The following MECR variants were observed in gnomAD, a reference collection of about 807,000 sequenced individuals.
MECR encodes enoyl-[acyl-carrier-protein] reductase, mitochondrial.
MECR carries 37 observed loss-of-function variants against 49.1 expected under a neutral mutation model. The ratio of observed to expected loss-of-function variants is 0.75; its 90% CI spans 0.58 to 0.99. MECR has a LOEUF of 0.99. MECR is among the 50% of genes least tolerant of loss of function. The pLI, the probability that MECR is intolerant of heterozygous loss-of-function variation, is 0.00. For synonymous variants in MECR, 198 were observed against 191.1 expected, an observed-to-expected ratio of 1.04 and a Z score of -0.30; for missense variants, 470 against 479.6, an observed-to-expected ratio of 0.98 and a Z score of 0.19.
the MECR span, among the ~76,000 whole-genome samples, chr1:29,167,869 A>C: frequency 3.5e-4 from 53 of 152,318 alleles, no homozygotes; most frequent in Middle Eastern, 0.01. Context: ...ATGTATTATT[A>C]TTCTTCTCAT....
Position 29,196,261 on chromosome 1 carries a change from G to A in MECR, c.831-3C>T. 1 of 1,610,854 alleles carries A rather than the reference G, an allele frequency of 6.2e-7. No individual in the cohort carries two copies. The highest frequency in any genetic ancestry group is 2.2e-5 in the East Asian group (1 of 44,800). Reference sequence around the variant, plus strand: ...AGGTTACCATGGTTCCTCCACGCCTGAAAAGTCCAAAGAGAACAAAGAGTG... The same window carrying A: ...AGGTTACCATGGTTCCTCCACGCCTAAAAAGTCCAAAGAGAACAAAGAGTG... On this transcript the variant is annotated splice_polypyrimidine_tract_variant and splice_region_variant and intron_variant, in intron 7 of 9. Transcript: ENST00000263702.
intron 7 of MECR, among the ~76,000 whole-genome samples, chr1:29,198,453 C>T (rs143999363): frequency 1.8e-3 from 271 of 152,342 alleles, no homozygotes; most frequent in African/African-American, 6.2e-3. Context: ...TGCCTACACC[C>T]GTAACAACGC....
intron 3 of MECR, among the ~76,000 whole-genome samples, chr1:29,211,225 C>T (rs1295201984): frequency 1.3e-5 from 2 of 151,930 alleles, no homozygotes; most frequent in Non-Finnish European, 2.9e-5. Context: ...TACAGGTGTA[C>T]GCTGCCACAC....
the MECR span, among the ~76,000 whole-genome samples, chr1:29,174,390 A>T: frequency 6.6e-6 from 1 of 152,240 alleles, no homozygotes; most frequent in African/African-American, 2.4e-5. Flanking sequence ...TATAAAGGAT[A>T]TTCAACAGTA....
At chr1:29,181,808 G>A in the MECR span, 3 of 1,444,424 alleles carry the variant, frequency 2.1e-6, no homozygotes, top group Non-Finnish European at 2.8e-6. Context: ...GGCGGCGGCG[G>A]GCAAAGCGAG....
the MECR span, among the ~76,000 whole-genome samples, chr1:29,176,504 GA>G: frequency 6.7e-3 from 975 of 146,362 alleles, 11 homozygotes; most frequent in Middle Eastern, 0.028. Flanking sequence ...AAAAAAAAAA[GA>G]AAAAAATACT....
rs890320572 is a variant in MECR at position 29,226,952 on chromosome 1, C to CTTTTT, written c.176+3774_176+3778dup. Among the ~76,000 whole-genome samples the CTTTTT allele has an allele frequency of 6.3e-4, 63 of 99,720 alleles. 1 individual carries two copies. Among genetic ancestry groups the CTTTTT allele is most frequent in the Non-Finnish European group, 8.6e-4 (43 of 50,056 alleles). The allele number at this position is 99,720 out of a possible 152,430, so 65.4% of individuals were successfully genotyped here. A position where few individuals can be genotyped will look rare whatever the true frequency, so the allele number is the denominator to read the frequency against. On this transcript the variant is annotated intron_variant, in intron 1 of 9. Transcript: ENST00000263702. ...AGAACTAAGCGTTTCTGGGAACTAT[C>CTTTTT]TTTTTTTTTTTTTTTTTTTTTTTTG...
chr1:29,201,479 G>T lies in MECR; in HGVS notation c.756+464C>A. 1 of 494,190 alleles carries T rather than the reference G, an allele frequency of 2.0e-6. No individual in the cohort carries two copies. The highest frequency in any genetic ancestry group is 6.0e-5 in the East Asian group (1 of 16,742). The allele number at this position is 494,190 out of a possible 1,614,324, so 30.6% of individuals were successfully genotyped here. ...GAGCCCTTATAAACTATATGATTTT[G>T]GTTAAGCATTTCCTCTTTTCTGAGT... On this transcript the variant is annotated intron_variant, in intron 6 of 9. Coordinates refer to ENST00000263702, the MANE Select transcript of MECR (RefSeq NM_016011.5). This position sits in a 1 kb window ranked among gnomAD's most constrained non-coding sequence, Gnocchi z 4.3.
chr1:29,190,798 T>TA (rs1196883134), downstream of MECR, among the ~76,000 whole-genome samples: 2,130 of 74,316 alleles, frequency 0.029, 44 homozygotes, highest in African/African-American at 0.069. Flanking sequence ...TCTCTCCAAA[T>TA]AAAAAAAAAA....
At chr1:29,181,748 G>T in the MECR span, 1 of 1,578,170 alleles carries the variant, frequency 6.3e-7, no homozygotes. Flanking sequence ...GTACACCCGC[G>T]GCATCCCGGC....
Position 29,230,751 on chromosome 1 carries a change from C to A in MECR, c.156G>T (p.Gly52=), listed in dbSNP as rs771507256. Reference sequence around the variant, plus strand: ...CTTACTCGACGACCTTGGCTGGATCCCCGTGGTGCCCATAGACAAGCGCCC... The same window carrying A: ...CTTACTCGACGACCTTGGCTGGATCACCGTGGTGCCCATAGACAAGCGCCC... ...RVRALVYGHH[G]DPAKVVELKN... The change falls in exon 1 of 10, where the codon GGG becomes GGT. Residue 52 remains glycine (G), a synonymous_variant. Transcript: ENST00000263702. 4 of 1,588,394 alleles carry A rather than the reference C, an allele frequency of 2.5e-6. No homozygotes were observed. Among genetic ancestry groups the A allele is most frequent in the Admixed American group, 1.8e-5 (1 of 54,610 alleles).
chr1:29,180,704 C>T, the MECR span, among the ~76,000 whole-genome samples: 1 of 152,228 alleles, frequency 6.6e-6, no homozygotes, highest in Non-Finnish European at 1.5e-5. Context: ...CCAAGCCCTA[C>T]CTAACATCTG....
At chr1:29,228,210 AAAAT>A (rs71025207) in intron 1 of MECR, among the ~76,000 whole-genome samples, 193 of 151,852 alleles carry the variant, frequency 1.3e-3, no homozygotes, top group African/African-American at 2.5e-3. Context: ...ATCTCATCTC[AAAAT>A]AAATAAATAA....
the MECR span, among the ~76,000 whole-genome samples, chr1:29,181,179 C>CG: frequency 6.6e-6 from 1 of 152,228 alleles, no homozygotes; most frequent in Non-Finnish European, 1.5e-5. Context: ...CTCCAGTCCT[C>CG]GGGGAAGACG....
At chr1:29,208,593 A>T (rs1677180598) in intron 3 of MECR, among the ~76,000 whole-genome samples, 1 of 152,226 alleles carries the variant, frequency 6.6e-6, no homozygotes, top group South Asian at 2.1e-4. Context: ...GAAGGCCCTT[A>T]TCGAACATCG....
chr1:29,170,669 A>C, the MECR span: 1 of 152,330 alleles, frequency 6.6e-6, no homozygotes, highest in East Asian at 1.9e-4. Context: ...TGGATGGATC[A>C]ATAGCTTCAT....
intron 3 of MECR, among the ~76,000 whole-genome samples, chr1:29,215,744 G>A (rs1309059476): frequency 1.0e-4 from 15 of 149,586 alleles, no homozygotes; most frequent in African/African-American, 2.0e-4. Flanking sequence ...GGTGGTAGGC[G>A]CCTGTAATCC....
chr1:29,198,121 G>C (rs992863614), intron 7 of MECR, among the ~76,000 whole-genome samples: 2 of 152,078 alleles, frequency 1.3e-5, no homozygotes, highest in Admixed American at 1.3e-4. Flanking sequence ...CTTCACAATA[G>C]GGTTCACATG....
Position 29,193,852 on chromosome 1 carries a change from CT to C in MECR, c.*169del, listed in dbSNP as rs1673321375. 1 of 745,002 alleles carries C rather than the reference CT, an allele frequency of 1.3e-6. No homozygotes were observed. Among genetic ancestry groups the C allele is most frequent in the East Asian group, 2.6e-5 (1 of 37,762 alleles). 46.1% of individuals were successfully genotyped at this position (745,002 alleles called of 1,614,324 possible). ...GGAGAGTTCAGACTTTATTAGATAC[CT>C]TAAGGCTGGCCCTGGGGAAAACCGT... is the stretch of plus-strand genomic sequence containing the variant. On this transcript the variant is annotated 3_prime_UTR_variant, in exon 10 of 10. Coordinates refer to ENST00000263702, the MANE Select transcript of MECR (RefSeq NM_016011.5).
Sources: gnomAD v4.1 joint callset for allele counts (sites outside exome capture counted in the v4.1 genomes callset) on GRCh38, gnomAD v4.1.1 for gene constraint, Gnocchi (gnomAD v3.1) non-coding constraint, MANE v1.5 for transcripts, NCBI Gene and HGNC (gene_info 2026-07-23, HGNC 2026-07-21) for gene names.